The following PHTF2 variants were observed in gnomAD, a reference collection of about 807,000 sequenced individuals.
PHTF2 encodes protein PHTF2.
Under a neutral mutation model 101.2 loss-of-function variants are expected in PHTF2, and 60 were observed. That is an observed-to-expected ratio of 0.59 (90% CI 0.48 to 0.73). The LOEUF (loss-of-function observed/expected upper bound fraction) is 0.73, where lower values mean the gene tolerates loss of function less well. Among genes scored for constraint, PHTF2 ranks in the 30% least tolerant of loss-of-function variants. PHTF2 has a pLI of 0.00. For synonymous variants in PHTF2, 311 were observed against 307.3 expected, an observed-to-expected ratio of 1.01 and a Z score of -0.13; for missense variants, 747 against 908.7, an observed-to-expected ratio of 0.82 and a Z score of 2.29.
chr7:77,865,210 T>A (rs1198871164), intron 3 of PHTF2, among the ~76,000 whole-genome samples: 2 of 152,012 alleles, frequency 1.3e-5, no homozygotes, highest in African/African-American at 4.8e-5. Context: ...TAACAATAAT[T>A]ACCTGGGAAT....
chr7:77,934,612 C>T (rs1374838465), intron 12 of PHTF2, among the ~76,000 whole-genome samples: 1 of 152,096 alleles, frequency 6.6e-6, no homozygotes, highest in Non-Finnish European at 1.5e-5. Flanking sequence ...GTGATGCTGT[C>T]TTCAAAGGTA....
intron 7 of PHTF2, among the ~76,000 whole-genome samples, chr7:77,908,526 G>A (rs2150860653): frequency 6.6e-6 from 1 of 152,196 alleles, no homozygotes. Flanking sequence ...TGATTCATAT[G>A]CATCTAATTT....
At chr7:77,843,570 T>TA (rs975389449) in intron 2 of PHTF2, among the ~76,000 whole-genome samples, 2 of 152,184 alleles carry the variant, frequency 1.3e-5, no homozygotes, top group Non-Finnish European at 2.9e-5. Flanking sequence ...ATATGCTTAC[T>TA]AAAAAAAATT....
intron 12 of PHTF2, among the ~76,000 whole-genome samples, chr7:77,933,711 G>GTTTTT (rs372397795): frequency 1.8e-5 from 2 of 108,320 alleles, no homozygotes; most frequent in African/African-American, 6.3e-5. Flanking sequence ...GGGACCATGT[G>GTTTTT]TTTTTTTTTT....
chr7:77,856,335 A>G (rs1485940427), intron 3 of PHTF2, among the ~76,000 whole-genome samples: 3 of 152,002 alleles, frequency 2.0e-5, no homozygotes, highest in African/African-American at 7.3e-5. Context: ...TCAAAAATAA[A>G]TTTTTAAAAA....
intron 7 of PHTF2, among the ~76,000 whole-genome samples, chr7:77,906,051 G>T (rs1801826349): frequency 6.6e-6 from 1 of 152,146 alleles, no homozygotes; most frequent in Non-Finnish European, 1.5e-5. Flanking sequence ...ATCTCAGCAT[G>T]ATCTCGGTTC....
At chr7:77,928,474 T>C (rs1414359085) in intron 11 of PHTF2, among the ~76,000 whole-genome samples, 1 of 150,920 alleles carries the variant, frequency 6.6e-6, no homozygotes, top group African/African-American at 2.4e-5. Flanking sequence ...AGTAGATAAA[T>C]CCACTCTTGC....
At chr7:77,818,947 G>T (rs1430398240) in intron 1 of PHTF2, among the ~76,000 whole-genome samples, 1 of 152,046 alleles carries the variant, frequency 6.6e-6, no homozygotes, top group Non-Finnish European at 1.5e-5. Flanking sequence ...TCCTATAGAG[G>T]TCTTTCACCT....
In PHTF2 at chr7:77,954,842, A is replaced by ATTTT; in HGVS notation, c.2338-8_2338-5dup. The ATTTT allele has an allele frequency of 6.6e-6, 8 of 1,214,440 alleles. No individual in the cohort carries two copies. The highest frequency in any genetic ancestry group is 6.5e-5 in the Admixed American group (3 of 46,264). 75.2% of individuals were successfully genotyped at this position (1,214,440 alleles called of 1,614,324 possible). On this transcript the variant is annotated splice_polypyrimidine_tract_variant and intron_variant, in intron 19 of 19. Coordinates refer to ENST00000416283, the Ensembl canonical transcript of PHTF2. ...TTAAAACTGGCTTGTCACCACTTCT[A>ATTTT]TTTTTTTTTTTCTAGCTATGGAAGA...
At chr7:77,834,312 CAAAAAA>C (rs34947684) in intron 1 of PHTF2, among the ~76,000 whole-genome samples, 47 of 89,110 alleles carry the variant, frequency 5.3e-4, no homozygotes, top group African/African-American at 1.5e-3. Context: ...GACCTTGTCT[CAAAAAA>C]AAAAAAAAAA....
At chr7:77,934,030 C>A (rs1804859933) in intron 12 of PHTF2, among the ~76,000 whole-genome samples, 1 of 152,000 alleles carries the variant, frequency 6.6e-6, no homozygotes, top group South Asian at 2.1e-4. Context: ...ATTTTTAATT[C>A]TCAGGTTTCA....
At chr7:77,913,411 A>G (rs1802597622) in intron 9 of PHTF2, among the ~76,000 whole-genome samples, 1 of 152,012 alleles carries the variant, frequency 6.6e-6, no homozygotes, top group Non-Finnish European at 1.5e-5. Flanking sequence ...AAAAGATAGA[A>G]ATCAATTATA....
chr7:77,870,145 C>G (rs1798395667), intron 3 of PHTF2, among the ~76,000 whole-genome samples: 2 of 151,664 alleles, frequency 1.3e-5, no homozygotes, highest in Admixed American at 1.3e-4. Flanking sequence ...GGTCCTACCC[C>G]AAAATTCTTT....
rs1562981831 is a variant in PHTF2, at chr7:77,953,912, C to G, written c.2337+18C>G. On this transcript the variant is annotated intron_variant, in intron 19 of 19. Coordinates refer to ENST00000416283, the Ensembl canonical transcript of PHTF2. The stretch of plus-strand genomic sequence containing the variant: ...ATTTAAAGGTAAGAGGTTGCAAGTA[C>G]TTTTTATTTCTTAGTTTCCTGTTGC... The G allele has an allele frequency of 6.2e-7, 1 of 1,610,204 alleles. No individual in the cohort carries two copies. The highest frequency in any genetic ancestry group is 8.5e-7 in the Non-Finnish European group (1 of 1,177,542).
intron 13 of PHTF2, among the ~76,000 whole-genome samples, chr7:77,938,638 G>A (rs1027218536): frequency 3.3e-5 from 5 of 152,082 alleles, no homozygotes; most frequent in Admixed American, 1.3e-4. Flanking sequence ...TTAGCCGGGC[G>A]TGGTGGCGGG....
At chr7:77,857,064 G>A (rs754934838) in intron 3 of PHTF2, among the ~76,000 whole-genome samples, 3 of 152,164 alleles carry the variant, frequency 2.0e-5, no homozygotes, top group Non-Finnish European at 4.4e-5. Flanking sequence ...CCAAACTGGT[G>A]GGTATGTGGT....
intron 12 of PHTF2, among the ~76,000 whole-genome samples, chr7:77,929,936 G>A (rs139649345): frequency 3.0e-3 from 443 of 149,714 alleles, no homozygotes; most frequent in African/African-American, 0.01. Flanking sequence ...ATCTCATTTT[G>A]GACTAGCCAC....
rs1034305054 is a variant in PHTF2, at chr7:77,920,358, G to A, written c.856G>A (p.Val286Ile). ...TGTATCCCTTGATGGGAAGAAGACT[G>A]TTAAAAGCGGTGAAGATGGAATACA... Residue 286 changes from valine (V) to isoleucine (I), a missense_variant, in exon 10 of 20, where the codon GTT (valine) becomes ATT (isoleucine). Physicochemically the swap from Val to Ile is conservative, Grantham distance 29. Around this residue, in one of 6 missense-constraint regions of PHTF2, gnomAD observed 349 missense variants for 369.7 expected, o/e 0.94. Transcript: ENST00000416283. 4 of 1,610,240 alleles carry A rather than the reference G, an allele frequency of 2.5e-6. No homozygotes were observed. In the African/African-American group the frequency reaches 4.0e-5, roughly 16 times the overall value.
chr7:77,946,276 A>G (rs1806042841), intron 16 of PHTF2, among the ~76,000 whole-genome samples: 1 of 152,210 alleles, frequency 6.6e-6, no homozygotes, highest in South Asian at 2.1e-4. Context: ...ACTAGGAAGT[A>G]TTGTCCTTAA....
Sources: allele counts gnomAD v4.1 joint callset (sites outside exome capture counted in the v4.1 genomes callset), GRCh38; gene constraint gnomAD v4.1.1; regional missense constraint gnomAD v4.1.1; transcripts MANE v1.5; gene names NCBI Gene and HGNC (gene_info 2026-07-23, HGNC 2026-07-21).